The following ANXA8 variants were observed in gnomAD, a reference collection of about 807,000 sequenced individuals.
The protein encoded by ANXA8 is annexin A8, also known as VAC-beta.
Under a neutral mutation model 26.8 loss-of-function variants are expected in ANXA8, and 9 were observed. That is an observed-to-expected ratio of 0.34 (90% CI 0.20 to 0.59). ANXA8 has a LOEUF of 0.59. Ranked by LOEUF, ANXA8 falls within the 20% of genes least tolerant of loss-of-function variation. The pLI is 0.84. For synonymous variants in ANXA8, 39 were observed against 94.8 expected (o/e 0.41, Z 3.42); for missense variants, 83 against 238.5 (o/e 0.35, Z 4.29).
chr10:47,588,504 C>T, the ANXA8 span, among the ~76,000 whole-genome samples: 2 of 140,286 alleles, frequency 1.4e-5, no homozygotes, highest in African/African-American at 6.2e-5. Context: ...TGGGGAGGCA[C>T]AATGAGTTTT....
chr10:47,521,277 T>C, the ANXA8 span, among the ~76,000 whole-genome samples: 4 of 137,276 alleles, frequency 2.9e-5, 1 homozygote, highest in Non-Finnish European at 4.6e-5. Flanking sequence ...GTAACATCCA[T>C]CAGGCTTTCC....
the ANXA8 span, chr10:47,589,093 C>A: frequency 6.8e-6 from 1 of 146,554 alleles, no homozygotes; most frequent in Non-Finnish European, 1.5e-5. Context: ...GGATTACAGG[C>A]GTGAGTCACC....
the ANXA8 span, among the ~76,000 whole-genome samples, chr10:47,946,477 T>C: frequency 1.3e-5 from 2 of 150,264 alleles, no homozygotes; most frequent in Non-Finnish European, 3.0e-5. Context: ...AGGCAGCAAA[T>C]GCTTAGTAAG....
At chr10:47,562,319 T>C in the ANXA8 span, among the ~76,000 whole-genome samples, 289 of 141,010 alleles carry the variant, frequency 2.0e-3, 1 homozygote, top group Non-Finnish European at 3.5e-3. Context: ...TGAAAAACTT[T>C]TATTCTCAGA....
the ANXA8 span, among the ~76,000 whole-genome samples, chr10:47,589,732 A>T: frequency 6.9e-6 from 1 of 144,762 alleles, no homozygotes; most frequent in Non-Finnish European, 1.5e-5. Flanking sequence ...ATGCTCCCTA[A>T]CAGGCTCAGT....
the ANXA8 span, among the ~76,000 whole-genome samples, chr10:47,721,009 T>A: frequency 7.4e-6 from 1 of 134,788 alleles, no homozygotes; most frequent in East Asian, 3.0e-4. Context: ...AAGCTGGGCA[T>A]GGTGACATAG....
At chr10:47,775,993 C>T in the ANXA8 span, among the ~76,000 whole-genome samples, 6 of 151,044 alleles carry the variant, frequency 4.0e-5, no homozygotes, top group Admixed American at 1.3e-4. Flanking sequence ...TATGTGAAGA[C>T]GTGCCACTAG....
At chr10:47,776,178 G>A in the ANXA8 span, among the ~76,000 whole-genome samples, 9 of 151,332 alleles carry the variant, frequency 5.9e-5, 1 homozygote, top group Admixed American at 5.9e-4. Flanking sequence ...TATTCCTGAG[G>A]ACTTTTCAAT....
At chr10:47,524,428 TGCC>T in the ANXA8 span, among the ~76,000 whole-genome samples, 3 of 95,528 alleles carry the variant, frequency 3.1e-5, no homozygotes, top group Non-Finnish European at 6.3e-5. Context: ...GGACCCATCC[TGCC>T]TCCACCTCCT....
the ANXA8 span, among the ~76,000 whole-genome samples, chr10:47,721,067 A>G: frequency 7.1e-6 from 1 of 141,000 alleles, no homozygotes; most frequent in Non-Finnish European, 1.6e-5. Context: ...GGATTGTTTG[A>G]GCCCAGGAGA....
chr10:47,982,459 AT>A, the ANXA8 span, among the ~76,000 whole-genome samples: 1 of 148,678 alleles, frequency 6.7e-6, no homozygotes, highest in Non-Finnish European at 1.5e-5. Flanking sequence ...TGTCAAGACA[AT>A]TCAAGAGGAT....
the ANXA8 span, among the ~76,000 whole-genome samples, chr10:47,679,054 A>AAAAAAG: frequency 4.7e-4 from 64 of 135,510 alleles, no homozygotes; most frequent in Middle Eastern, 3.6e-3. Context: ...AAAAAAAAAA[A>AAAAAAG]AAAAAGAAAA....
chr10:47,566,422 C>T, the ANXA8 span, among the ~76,000 whole-genome samples: 1 of 151,786 alleles, frequency 6.6e-6, no homozygotes, highest in Non-Finnish European at 1.5e-5. Flanking sequence ...CAAACTGAGC[C>T]GCAGAAACCC....
At chr10:47,655,863 A>G in the ANXA8 span, among the ~76,000 whole-genome samples, 3 of 151,814 alleles carry the variant, frequency 2.0e-5, no homozygotes, top group African/African-American at 7.3e-5. Flanking sequence ...CCTATTAAAA[A>G]TACAAAATTA....
chr10:47,486,563 G>A (rs1385822479), upstream of ANXA8, among the ~76,000 whole-genome samples: 2 of 135,860 alleles, frequency 1.5e-5, no homozygotes, highest in Non-Finnish European at 3.2e-5. Context: ...GTCCACCTCA[G>A]CAGAGGAGAC....
the ANXA8 span, among the ~76,000 whole-genome samples, chr10:47,659,753 T>C: frequency 1.3e-5 from 2 of 151,640 alleles, no homozygotes. Context: ...CCTGGCTTTT[T>C]AATTTTAATT....
At chr10:47,694,208 A>T in the ANXA8 span, among the ~76,000 whole-genome samples, 3 of 151,618 alleles carry the variant, frequency 2.0e-5, no homozygotes, top group South Asian at 2.1e-4. Flanking sequence ...AACTTTTTTT[A>T]AAAAATCAGA....
the ANXA8 span, among the ~76,000 whole-genome samples, chr10:47,703,570 G>GA: frequency 2.2e-3 from 259 of 117,420 alleles, no homozygotes; most frequent in South Asian, 8.1e-3. Context: ...TCTGTCTCAA[G>GA]AAAAAAAAAA....
chr10:47,516,638 A>C, the ANXA8 span, among the ~76,000 whole-genome samples: 1 of 138,076 alleles, frequency 7.2e-6, no homozygotes, highest in Non-Finnish European at 1.5e-5. Flanking sequence ...AAAAGCAGAC[A>C]TTGAGCATAT....
Sources: gnomAD v4.1 joint callset for allele counts (sites outside exome capture counted in the v4.1 genomes callset) on GRCh38, gnomAD v4.1.1 for gene constraint, MANE v1.5 for transcripts, NCBI Gene and HGNC (gene_info 2026-07-23, HGNC 2026-07-21) for gene names.